Variants in HTR7 observed in about 807,000 individuals in gnomAD.
HTR7 encodes 5-HT-7.
Under a neutral mutation model 34.0 loss-of-function variants are expected in HTR7, and 16 were observed. That is an observed-to-expected ratio of 0.47 (90% CI 0.32 to 0.71). The LOEUF (loss-of-function observed/expected upper bound fraction) is 0.71. Ranked by LOEUF, HTR7 falls within the 30% of genes least tolerant of loss-of-function variation. HTR7 has a pLI of 0.04. For missense variants in HTR7, 504 were observed against 625.5 expected (o/e 0.81, Z 2.07); for synonymous variants, 265 against 260.2 (o/e 1.02, Z -0.18).
intron 1 of HTR7, among the ~76,000 whole-genome samples, chr10:90,776,904 C>A (rs1293755580): frequency 6.6e-6 from 1 of 152,126 alleles, no homozygotes; most frequent in Non-Finnish European, 1.5e-5. Context: ...GAAAGAAAAT[C>A]TAATTAATTG....
chr10:90,758,695 C>A (rs559658483), intron 1 of HTR7, among the ~76,000 whole-genome samples: 1 of 151,428 alleles, frequency 6.6e-6, no homozygotes, highest in African/African-American at 2.4e-5. Flanking sequence ...TGGGAAAAAG[C>A]GATATAGAAT....
At chr10:90,779,986 G>A (rs1845280922) in intron 1 of HTR7, among the ~76,000 whole-genome samples, 1 of 152,114 alleles carries the variant, frequency 6.6e-6, no homozygotes, top group South Asian at 2.1e-4. Flanking sequence ...ATGCAGGCTA[G>A]GTTAGAACTC....
In HTR7 at chr10:90,742,363, T is replaced by G; in HGVS notation, c.*119A>C. 2 of 725,316 alleles carry G rather than the reference T, an allele frequency of 2.8e-6. No individual in the cohort carries two copies. Among genetic ancestry groups the G allele is most frequent in the Non-Finnish European group, 4.7e-6 (2 of 426,946 alleles). 44.9% of individuals were successfully genotyped at this position (725,316 alleles called of 1,614,324 possible). A position where few individuals can be genotyped will look rare whatever the true frequency, so the allele number is the denominator to read the frequency against. On this transcript the variant is annotated 3_prime_UTR_variant, in exon 4 of 4. Coordinates refer to ENST00000336152, the MANE Select transcript of HTR7 (RefSeq NM_019859.4). ...GTACAACAGATCACCCTGTTTGTCA[T>G]GTTTTAGACATCCCAAGAAAGGACA...
intron 1 of HTR7, among the ~76,000 whole-genome samples, chr10:90,774,539 G>T (rs1485294664): frequency 2.3e-5 from 2 of 88,126 alleles, no homozygotes; most frequent in African/African-American, 1.9e-4. Flanking sequence ...GCATCAGTCA[G>T]ATATATAGTT....
At position 90,857,738 on chromosome 10, in the gene HTR7, G is replaced by A. The variant is rs1030731987; in HGVS notation, c.-67C>T. On this transcript the variant is annotated 5_prime_UTR_variant, in exon 1 of 4. Coordinates refer to ENST00000336152, the MANE Select transcript of HTR7 (RefSeq NM_019859.4). This position sits in a 1 kb window ranked among gnomAD's most constrained non-coding sequence, Gnocchi z 6.5. ...CCACGCGCCTCCGGCTGCCGGCCCC[G>A]GGGCTTCACCTCACCGGTTCCGCTC... 6 of 1,387,124 alleles carry A rather than the reference G, an allele frequency of 4.3e-6. No homozygotes were observed. In the African/African-American group the frequency reaches 7.6e-5, roughly 18 times the overall value. The allele number at this position is 1,387,124 out of a possible 1,614,324, so 85.9% of individuals were successfully genotyped here.
chr10:90,793,435 T>C (rs1418099988), intron 1 of HTR7, among the ~76,000 whole-genome samples: 2 of 147,830 alleles, frequency 1.4e-5, no homozygotes, highest in Non-Finnish European at 3.0e-5. Context: ...AAATTACTTA[T>C]AGTAGTACAT....
rs779151787 is a variant in HTR7, at chr10:90,749,474, T to A, written c.660A>T (p.Gly220=). ...TATCATCATTTACATTCTGAGCCCA[T>A]CCAAAGAGTGGAGGTAAGGTGATGG... ...SASITLPPLF[G]WAQNVNDDKV... is the part of the protein sequence containing the mutation. The change falls in exon 2 of 4, where the codon GGA becomes GGT. Residue 220 remains glycine (G), a synonymous_variant. Coordinates refer to ENST00000336152, the MANE Select transcript of HTR7 (RefSeq NM_019859.4). This position sits in a 1 kb window ranked among gnomAD's most constrained non-coding sequence, Gnocchi z 4.2. 1 of 1,614,132 alleles carries A rather than the reference T, an allele frequency of 6.2e-7. No individual in the cohort carries two copies. The highest frequency in any genetic ancestry group is 1.1e-5 in the South Asian group (1 of 91,082).
At chr10:90,851,930 A>C (rs1403216001) in intron 1 of HTR7, among the ~76,000 whole-genome samples, 1 of 152,064 alleles carries the variant, frequency 6.6e-6, no homozygotes, top group African/African-American at 2.4e-5. Flanking sequence ...CTTCCCCTTC[A>C]CCTTCCACCA....
At chr10:90,847,885 A>C (rs1846433229) in intron 1 of HTR7, among the ~76,000 whole-genome samples, 1 of 152,216 alleles carries the variant, frequency 6.6e-6, no homozygotes, top group Non-Finnish European at 1.5e-5. Flanking sequence ...CCCTTTCATT[A>C]TAAAATAAAA....
chr10:90,834,977 G>C (rs997618142), intron 1 of HTR7, among the ~76,000 whole-genome samples: 2 of 152,094 alleles, frequency 1.3e-5, no homozygotes, highest in African/African-American at 4.8e-5. Flanking sequence ...TCGTCTCCTA[G>C]GAATTTTCCA....
intron 2 of HTR7, among the ~76,000 whole-genome samples, chr10:90,748,347 A>G (rs1044616673): frequency 6.6e-6 from 1 of 152,108 alleles, no homozygotes; most frequent in African/African-American, 2.4e-5. Context: ...CCCCACACTA[A>G]CAACTCTTCT....
At chr10:90,754,116 C>T (rs1844789805) in intron 1 of HTR7, among the ~76,000 whole-genome samples, 1 of 151,848 alleles carries the variant, frequency 6.6e-6, no homozygotes, top group African/African-American at 2.4e-5. Context: ...TCTGAGATTC[C>T]TAATTTATAT....
chr10:90,768,185 C>A (rs1845051650), intron 1 of HTR7, among the ~76,000 whole-genome samples: 1 of 152,134 alleles, frequency 6.6e-6, no homozygotes, highest in African/African-American at 2.4e-5. Flanking sequence ...TCCTCAATAT[C>A]TCTAAAACCT....
At chr10:90,752,442 TAAG>T (rs1458546486) in intron 1 of HTR7, among the ~76,000 whole-genome samples, 1 of 152,094 alleles carries the variant, frequency 6.6e-6, no homozygotes, top group African/African-American at 2.4e-5. Context: ...GTTTTTTCAA[TAAG>T]AAATTCTAGT....
chr10:90,829,075 A>G (rs1846126385), intron 1 of HTR7, among the ~76,000 whole-genome samples: 1 of 152,248 alleles, frequency 6.6e-6, no homozygotes, highest in African/African-American at 2.4e-5. Flanking sequence ...TATCCCAGGT[A>G]TGCAAGCATA....
Position 90,764,878 on chromosome 10 carries a change from T to A in HTR7, c.540-15284A>T, listed in dbSNP as rs77874438. ...TTATTTTTATCTTTCCTCCTGCTAA[T>A]GTGGTGTATCATATTTATTGATTTG... is the stretch of plus-strand genomic sequence containing the variant. On this transcript the variant is annotated intron_variant, in intron 1 of 3. Coordinates refer to ENST00000336152, the MANE Select transcript of HTR7 (RefSeq NM_019859.4). Among the ~76,000 whole-genome samples, 396 of 152,270 alleles carry A rather than the reference T, an allele frequency of 2.6e-3. 3 individuals are homozygous for A. Among genetic ancestry groups the A allele is most frequent in the African/African-American group, 9.2e-3 (381 of 41,556 alleles).
intron 1 of HTR7, among the ~76,000 whole-genome samples, chr10:90,797,002 A>C (rs1488785964): frequency 6.8e-6 from 1 of 147,810 alleles, no homozygotes; most frequent in African/African-American, 2.5e-5. Context: ...ACAAAGCAAG[A>C]CTCCGTCTCA....
Position 90,857,693 on chromosome 10 carries a change from C to T in HTR7, c.-22G>A, listed in dbSNP as rs1244753542. The T allele has an allele frequency of 2.0e-6, 3 of 1,489,380 alleles. No homozygotes were observed. The highest frequency in any genetic ancestry group is 2.6e-5 in the South Asian group (2 of 75,606). 92.3% of individuals were successfully genotyped at this position (1,489,380 alleles called of 1,614,324 possible). A position where few individuals can be genotyped will look rare whatever the true frequency, so the allele number is the denominator to read the frequency against. ...TCATCGCGCCGCCGTGTGCCGCTGCCCATGGAGCCGGCGCCCCGGCCACGC... is the reference window on the plus strand; with the variant it reads ...TCATCGCGCCGCCGTGTGCCGCTGCTCATGGAGCCGGCGCCCCGGCCACGC... On this transcript the variant is annotated 5_prime_UTR_variant, in exon 1 of 4. Coordinates refer to ENST00000336152, the MANE Select transcript of HTR7 (RefSeq NM_019859.4). This position sits in a 1 kb window ranked among gnomAD's most constrained non-coding sequence, Gnocchi z 6.5.
At chr10:90,784,629 C>T (rs116408510) in intron 1 of HTR7, among the ~76,000 whole-genome samples, 1,814 of 152,176 alleles carry the variant, frequency 0.012, 41 homozygotes, top group African/African-American at 0.041. Context: ...TACAACTGAG[C>T]CAATATCAGT....
Sources: gnomAD v4.1 joint callset for allele counts (sites outside exome capture counted in the v4.1 genomes callset) on GRCh38, gnomAD v4.1.1 for gene constraint, Gnocchi (gnomAD v3.1) non-coding constraint, MANE v1.5 for transcripts, NCBI Gene and HGNC (gene_info 2026-07-23, HGNC 2026-07-21) for gene names.